Variants in CUBN observed in about 807,000 individuals in gnomAD.
CUBN encodes cubilin, also known as 460 kDa receptor.
A neutral mutation model predicts 405.3 loss-of-function variants in CUBN; 282 were observed. That is an observed-to-expected ratio of 0.70 (90% CI 0.63 to 0.77). The LOEUF (loss-of-function observed/expected upper bound fraction) is 0.77, where lower values mean the gene tolerates loss of function less well. CUBN is among the 30% of genes least tolerant of loss of function. CUBN has a pLI of 0.00. For synonymous variants in CUBN, 1,684 were observed against 1,617.0 expected (o/e 1.04, Z -0.99); for missense variants, 4,514 against 4,475.2 (o/e 1.01, Z -0.25).
At chr10:16,862,328 CA>C (rs1840044747) in intron 59 of CUBN, among the ~76,000 whole-genome samples, 1 of 152,160 alleles carries the variant, frequency 6.6e-6, no homozygotes, top group African/African-American at 2.4e-5. Flanking sequence ...GGACCACAGA[CA>C]AATTACTTAA....
In CUBN at chr10:17,041,094, T is replaced by C; in HGVS notation, c.3956A>G (p.Asn1319Ser). Residue 1319 changes from asparagine to serine, a missense_variant, in exon 27 of 67, where the codon AAC (asparagine) becomes AGC (serine). Physicochemically the swap from Asn to Ser is conservative, Grantham distance 46 (BLOSUM62 1). This residue lies in a region of CUBN where 242 missense variants were observed against 309.0 expected (regional missense o/e 0.78). Transcript: ENST00000377833. ...CAAGTCAAATGCTAAAAATGTGTAGTTCACAGTGTTGCCTGTTGTTGCCCG... is the reference window on the plus strand; with the variant it reads ...CAAGTCAAATGCTAAAAATGTGTAGCTCACAGTGTTGCCTGTTGTTGCCCG... ...TIRATTGNTVNYTFLAFDLEH... is the reference protein window; with the variant it reads ...TIRATTGNTVSYTFLAFDLEH... The C allele has an allele frequency of 6.2e-7, 1 of 1,613,260 alleles. No individual in the cohort carries two copies. The highest frequency in any genetic ancestry group is 8.5e-7 in the Non-Finnish European group (1 of 1,179,580).
chr10:16,942,884 G>A (rs1842692448), intron 36 of CUBN, among the ~76,000 whole-genome samples: 2 of 148,720 alleles, frequency 1.3e-5, no homozygotes, highest in South Asian at 4.4e-4. Context: ...GGAAGGGAGG[G>A]GAACGGAAGG....
intron 18 of CUBN, 60 bp downstream of exon 18, chr10:17,071,767 G>T: frequency 6.4e-7 from 1 of 1,565,898 alleles, no homozygotes; most frequent in Non-Finnish European, 8.8e-7. Flanking sequence ...AAATTATTTT[G>T]AAGAATTAAA....
intron 14 of CUBN, among the ~76,000 whole-genome samples, chr10:17,099,706 G>T (rs566369897): frequency 1.3e-5 from 2 of 151,896 alleles, no homozygotes; most frequent in Non-Finnish European, 2.9e-5. Context: ...CAAAACATTA[G>T]CCTGGAGTGG....
intron 56 of CUBN, among the ~76,000 whole-genome samples, chr10:16,879,267 C>A (rs1043043888): frequency 1.3e-5 from 2 of 152,070 alleles, no homozygotes; most frequent in Non-Finnish European, 2.9e-5. Flanking sequence ...CTGGTGCATG[C>A]GAAACGAAAC....
At position 16,888,578 on chromosome 10, in the gene CUBN, C is replaced by T. The variant is rs759049921; in HGVS notation, c.8756-12G>A. On this transcript the variant is annotated splice_polypyrimidine_tract_variant and intron_variant, in intron 55 of 66. Coordinates refer to ENST00000377833, the MANE Select transcript of CUBN (RefSeq NM_001081.4). Reference sequence around the variant, plus strand: ...ATTACTTCCACATCCTATGTGGGAACAAAAAGTCATCATCAGATCATTTAT... The same window carrying T: ...ATTACTTCCACATCCTATGTGGGAATAAAAAGTCATCATCAGATCATTTAT... The T allele has an allele frequency of 6.2e-7, 1 of 1,611,792 alleles. No homozygotes were observed.
chr10:16,958,827 T>C (rs150008660), intron 31 of CUBN, among the ~76,000 whole-genome samples: 1 of 152,222 alleles, frequency 6.6e-6, no homozygotes, highest in Non-Finnish European at 1.5e-5. Context: ...AGTCTGCTTC[T>C]TTGTGATACC....
chr10:17,108,535 G>A (rs1172793021), intron 10 of CUBN, among the ~76,000 whole-genome samples: 2 of 151,970 alleles, frequency 1.3e-5, no homozygotes, highest in Admixed American at 6.6e-5. Context: ...CCACTTATTT[G>A]AGCAAAAATA....
intron 28 of CUBN, among the ~76,000 whole-genome samples, chr10:17,004,653 C>T (rs555222429): frequency 6.0e-5 from 9 of 151,118 alleles, no homozygotes; most frequent in African/African-American, 1.9e-4. Context: ...CAGATCTGCC[C>T]ATCCTACCTT....
intron 53 of CUBN, among the ~76,000 whole-genome samples, chr10:16,899,972 A>ATTCCCC (rs1841308037): frequency 6.6e-6 from 1 of 152,176 alleles, no homozygotes; most frequent in Non-Finnish European, 1.5e-5. Context: ...AAGTCCTTGT[A>ATTCCCC]TTTTCTGAGA....
At chr10:17,025,112 G>A (rs1245360295) in intron 27 of CUBN, among the ~76,000 whole-genome samples, 1 of 152,112 alleles carries the variant, frequency 6.6e-6, no homozygotes, top group Non-Finnish European at 1.5e-5. Context: ...ATTCTTTAGA[G>A]CTTAATATGT....
chr10:17,065,273 T>C (rs1835590275), intron 22 of CUBN, among the ~76,000 whole-genome samples: 1 of 152,126 alleles, frequency 6.6e-6, no homozygotes. Flanking sequence ...AAAAACGTTC[T>C]TTTAACAAAA....
intron 17 of CUBN, among the ~76,000 whole-genome samples, chr10:17,083,791 G>C (rs200318020): frequency 3.3e-5 from 5 of 152,056 alleles, no homozygotes; most frequent in Admixed American, 6.6e-5. Context: ...TTTGTGGCTT[G>C]ACCAATAATT....
rs557575515 is a variant in CUBN at position 16,957,033 on chromosome 10, G to C, written c.4696-2485C>G. On this transcript the variant is annotated intron_variant, in intron 31 of 66. Transcript: ENST00000377833. The stretch of plus-strand genomic sequence containing the variant: ...CATTTATTTGTGGTGAGACCATTAA[G>C]AATCCTCTCTTCTAGTTACTTTTAA... 1.5e-4 allele frequency among the ~76,000 whole-genome samples: 23 copies of C among 152,238 alleles called. No homozygotes were observed. In the South Asian group the frequency reaches 4.8e-3, roughly 32 times the overall value.
chr10:16,993,338 T>C (rs1297919499), intron 28 of CUBN, among the ~76,000 whole-genome samples: 1 of 152,236 alleles, frequency 6.6e-6, no homozygotes, highest in African/African-American at 2.4e-5. Flanking sequence ...TTTATCTTAG[T>C]TGATTCACAT....
At chr10:16,945,256 G>A (rs946322052) in intron 36 of CUBN, among the ~76,000 whole-genome samples, 3 of 152,088 alleles carry the variant, frequency 2.0e-5, no homozygotes, top group Non-Finnish European at 2.9e-5. Flanking sequence ...AAAGCTGTGC[G>A]AAGGGCTTTG....
chr10:17,111,104 A>T, intron 8 of CUBN, 54 bp from the exon 9 acceptor site: 1 of 1,588,122 alleles, frequency 6.3e-7, no homozygotes, highest in Non-Finnish European at 8.6e-7. Context: ...TCAACAAGGA[A>T]GAAATACAAG....
At chr10:16,839,252 C>T (rs1376138980) in intron 62 of CUBN, among the ~76,000 whole-genome samples, 4 of 152,136 alleles carry the variant, frequency 2.6e-5, no homozygotes, top group African/African-American at 9.7e-5. Context: ...GCACATGAAG[C>T]TTTGAGAGCT....
At chr10:17,094,181 A>G (rs972315124) in intron 14 of CUBN, among the ~76,000 whole-genome samples, 1 of 152,088 alleles carries the variant, frequency 6.6e-6, no homozygotes, top group African/African-American at 2.4e-5. Context: ...GGAGAAAAAG[A>G]CACATTATCT....
Sources: allele counts gnomAD v4.1 joint callset (sites outside exome capture counted in the v4.1 genomes callset), GRCh38; gene constraint gnomAD v4.1.1; regional missense constraint gnomAD v4.1.1; transcripts MANE v1.5; gene names NCBI Gene and HGNC (gene_info 2026-07-23, HGNC 2026-07-21).